The following ANXA10 variants were observed in gnomAD, a reference collection of about 807,000 sequenced individuals.
ANXA10 encodes the protein annexin 14.
A neutral mutation model predicts 53.5 loss-of-function variants in ANXA10; 49 were observed. That is an observed-to-expected ratio of 0.92 (90% CI 0.73 to 1.16). The LOEUF (loss-of-function observed/expected upper bound fraction) is 1.16. Among genes scored for constraint, ANXA10 ranks in the 50% most tolerant of loss-of-function variants. ANXA10 has a pLI of 0.00. For synonymous variants in ANXA10, 131 were observed against 128.9 expected (o/e 1.02, Z -0.11); for missense variants, 393 against 394.4 (o/e 1.00, Z 0.03).
At chr4:168,155,624 ATATATATAAT>A (rs1461594216) in intron 3 of ANXA10, among the ~76,000 whole-genome samples, 33 of 67,334 alleles carry the variant, frequency 4.9e-4, no homozygotes, top group Non-Finnish European at 6.5e-4. Flanking sequence ...TATATTATAA[ATATATATAAT>A]TATATATAAT....
rs1330256024 is a variant in ANXA10, at chr4:168,099,665, T to C, written c.18+6947T>C. Among the ~76,000 whole-genome samples the C allele has an allele frequency of 2.0e-5, 3 of 152,114 alleles. No individual in the cohort carries two copies. The East Asian group carries it at 5.8e-4, about 29-fold the overall frequency. On this transcript the variant is annotated intron_variant, in intron 1 of 11. Transcript: ENST00000359299. ...TTCTTATTTTGTTTCATTCTAGATA[T>C]TGTGAATACTAGAATGACTGTGGGC...
chr4:168,101,913 C>T (rs995537330), intron 1 of ANXA10, among the ~76,000 whole-genome samples: 7 of 152,104 alleles, frequency 4.6e-5, no homozygotes, highest in Non-Finnish European at 1.0e-4. Context: ...ATCAACAACA[C>T]CGTTCTAACC....
At position 168,181,651 on chromosome 4, in the gene ANXA10, A is replaced by G. The variant is rs769114386; in HGVS notation, c.725-32A>G. The G allele has an allele frequency of 4.6e-6, 7 of 1,538,006 alleles. No homozygotes were observed. In the East Asian group the frequency reaches 9.0e-5, roughly 20 times the overall value. On this transcript the variant is annotated intron_variant, in intron 9 of 11. Coordinates refer to ENST00000359299, the MANE Select transcript of ANXA10 (RefSeq NM_007193.5). ...ACGAAAATATATGTTTTCACTCTCA[A>G]TGTTTCTTCTTCTCTCTCTGATTTC...
chr4:168,101,518 G>A (rs904943087), intron 1 of ANXA10, among the ~76,000 whole-genome samples: 1 of 131,898 alleles, frequency 7.6e-6, no homozygotes, highest in Non-Finnish European at 1.6e-5. Flanking sequence ...AGGGGACGGG[G>A]GGAAGCTTTT....
intron 1 of ANXA10, among the ~76,000 whole-genome samples, chr4:168,094,215 T>G (rs1275447971): frequency 2.0e-5 from 3 of 152,172 alleles, no homozygotes; most frequent in Non-Finnish European, 4.4e-5. Flanking sequence ...AACAAGATTT[T>G]TTTTAAATGC....
chr4:168,157,718 A>C (rs1018360948), intron 3 of ANXA10, among the ~76,000 whole-genome samples: 1 of 152,180 alleles, frequency 6.6e-6, no homozygotes, highest in African/African-American at 2.4e-5. Flanking sequence ...AAATGTAATC[A>C]TGTCATATGT....
At chr4:168,158,347 T>A (rs1231580672) in intron 3 of ANXA10, among the ~76,000 whole-genome samples, 1 of 152,228 alleles carries the variant, frequency 6.6e-6, no homozygotes, top group African/African-American at 2.4e-5. Flanking sequence ...AAATCTTTTG[T>A]CAAATATGTG....
At chr4:168,167,503 C>T (rs1016042527) in intron 6 of ANXA10, among the ~76,000 whole-genome samples, 3 of 152,162 alleles carry the variant, frequency 2.0e-5, no homozygotes, top group East Asian at 3.8e-4. Context: ...TTTATCAGGA[C>T]GTAACCCCAT....
intron 1 of ANXA10, among the ~76,000 whole-genome samples, chr4:168,094,234 G>A (rs1310460106): frequency 3.3e-5 from 5 of 151,966 alleles, no homozygotes; most frequent in Non-Finnish European, 7.4e-5. Flanking sequence ...GCAATTATTT[G>A]CTATGCTTCT....
At chr4:168,157,196 T>C (rs1348093827) in intron 3 of ANXA10, among the ~76,000 whole-genome samples, 1 of 152,216 alleles carries the variant, frequency 6.6e-6, no homozygotes, top group Non-Finnish European at 1.5e-5. Flanking sequence ...GAGTACAATT[T>C]CTATAAAATA....
intron 9 of ANXA10, among the ~76,000 whole-genome samples, chr4:168,179,813 C>T (rs1732205366): frequency 6.6e-6 from 1 of 152,164 alleles, no homozygotes; most frequent in South Asian, 2.1e-4. Context: ...GATAGTGGCA[C>T]ACCTCTTGCT....
At chr4:168,095,869 C>A (rs1004898781) in intron 1 of ANXA10, among the ~76,000 whole-genome samples, 10 of 152,018 alleles carry the variant, frequency 6.6e-5, no homozygotes, top group African/African-American at 2.4e-4. Context: ...TTTTTTGTGA[C>A]CCCAATTAAA....
intron 1 of ANXA10, among the ~76,000 whole-genome samples, chr4:168,097,335 A>C (rs1047236988): frequency 6.6e-6 from 1 of 152,060 alleles, no homozygotes; most frequent in Non-Finnish European, 1.5e-5. Flanking sequence ...ATCTTGCTAG[A>C]CATATGGGTG....
chr4:168,124,993 C>T (rs759604220), intron 1 of ANXA10, among the ~76,000 whole-genome samples: 12 of 152,034 alleles, frequency 7.9e-5, no homozygotes, highest in African/African-American at 1.2e-4. Context: ...AGGCTAGGAA[C>T]GAGGGAATGG....
chr4:168,159,413 T>C (rs890646253), intron 3 of ANXA10, among the ~76,000 whole-genome samples: 1 of 152,190 alleles, frequency 6.6e-6, no homozygotes, highest in Non-Finnish European at 1.5e-5. Flanking sequence ...ATAAGGTAAA[T>C]TGAGAAATCT....
intron 1 of ANXA10, among the ~76,000 whole-genome samples, chr4:168,093,058 TAAAC>T (rs749812517): frequency 2.5e-4 from 37 of 145,168 alleles, no homozygotes; most frequent in Non-Finnish European, 4.3e-4. Context: ...ATATAACTAT[TAAAC>T]AGAGTTAATA....
At chr4:168,110,625 T>C (rs1394442744) in intron 1 of ANXA10, among the ~76,000 whole-genome samples, 1 of 152,156 alleles carries the variant, frequency 6.6e-6, no homozygotes, top group Non-Finnish European at 1.5e-5. Flanking sequence ...TCTAAAACTT[T>C]TGTTTCCATT....
At chr4:168,185,380 C>G (rs756794090) in intron 11 of ANXA10, among the ~76,000 whole-genome samples, 6 of 152,144 alleles carry the variant, frequency 3.9e-5, no homozygotes, top group Non-Finnish European at 7.3e-5. Flanking sequence ...TTGAGCTGTC[C>G]TCTCATATTG....
At chr4:168,123,407 C>A (rs937757544) in intron 1 of ANXA10, among the ~76,000 whole-genome samples, 1 of 152,062 alleles carries the variant, frequency 6.6e-6, no homozygotes, top group African/African-American at 2.4e-5. Flanking sequence ...TCAAGGGAGG[C>A]AGTCTGGAAT....
Sources: allele counts gnomAD v4.1 joint callset (sites outside exome capture counted in the v4.1 genomes callset), GRCh38; gene constraint gnomAD v4.1.1; transcripts MANE v1.5; gene names NCBI Gene and HGNC (gene_info 2026-07-23, HGNC 2026-07-21).